Variants in CHST9 observed in about 807,000 individuals in gnomAD.
CHST9 encodes GalNAc-4-sulfotransferase 2.
CHST9 carries 41 observed loss-of-function variants against 44.4 expected under a neutral mutation model. The ratio of observed to expected loss-of-function variants is 0.92; its 90% CI spans 0.72 to 1.20. The LOEUF (loss-of-function observed/expected upper bound fraction) is 1.20, where lower values mean the gene tolerates loss of function less well. Among genes scored for constraint, CHST9 ranks in the 50% most tolerant of loss-of-function variants. CHST9 has a pLI of 0.00. For synonymous variants in CHST9, 171 were observed against 178.4 expected (o/e 0.96, Z 0.33); for missense variants, 504 against 516.5 (o/e 0.98, Z 0.23).
chr18:27,133,210 G>A (rs1430354378), intron 2 of CHST9, among the ~76,000 whole-genome samples: 1 of 152,176 alleles, frequency 6.6e-6, no homozygotes. Flanking sequence ...TAGATAGCAA[G>A]TGCATCATTG....
intron 1 of CHST9, among the ~76,000 whole-genome samples, chr18:27,160,946 C>T (rs890373833): frequency 2.3e-4 from 35 of 152,114 alleles, no homozygotes; most frequent in African/African-American, 6.3e-4. Context: ...TCTGTGGGAT[C>T]GGTGGTGATA....
chr18:26,921,188 T>A (rs1020160922), intron 5 of CHST9, among the ~76,000 whole-genome samples: 14 of 152,170 alleles, frequency 9.2e-5, no homozygotes, highest in African/African-American at 2.9e-4. Flanking sequence ...ATAACTTGGA[T>A]GTAGAGTAGG....
chr18:27,017,476 G>A (rs541135274), intron 4 of CHST9, among the ~76,000 whole-genome samples: 47 of 152,242 alleles, frequency 3.1e-4, no homozygotes, highest in Admixed American at 2.6e-3. Flanking sequence ...AAATTATTAC[G>A]GCATGTGAAA....
chr18:27,073,436 G>A (rs2057864236), intron 2 of CHST9, among the ~76,000 whole-genome samples: 1 of 151,618 alleles, frequency 6.6e-6, no homozygotes, highest in South Asian at 2.1e-4. Context: ...CAGGTGCTGG[G>A]TCAAAGTGGG....
chr18:27,066,681 G>A (rs2057785809), intron 2 of CHST9, among the ~76,000 whole-genome samples: 1 of 152,132 alleles, frequency 6.6e-6, no homozygotes, highest in East Asian at 1.9e-4. Context: ...ATTTAATTAA[G>A]TGCCTTAACT....
At chr18:27,120,209 CTACAT>C (rs1469426737) in intron 2 of CHST9, among the ~76,000 whole-genome samples, 1 of 152,116 alleles carries the variant, frequency 6.6e-6, no homozygotes, top group African/African-American at 2.4e-5. Flanking sequence ...TTTCAATTGC[CTACAT>C]TACGAGTAAA....
chr18:27,064,110 C>CA (rs2143624980), intron 2 of CHST9, among the ~76,000 whole-genome samples: 1 of 152,092 alleles, frequency 6.6e-6, no homozygotes, highest in African/African-American at 2.4e-5. Flanking sequence ...AAAGAAAAAT[C>CA]AGGCCTGAGT....
Position 26,915,402 on chromosome 18 carries a change from T to C in CHST9, c.*857A>G, listed in dbSNP as rs542974779. ...TATTGTTTGAGTTCCATATTCAGAA[T>C]GGCAACTTTTGTTTTTGATGATTAT... On this transcript the variant is annotated 3_prime_UTR_variant, in exon 6 of 6. Coordinates refer to ENST00000618847, the MANE Select transcript of CHST9 (RefSeq NM_031422.6). The C allele has an allele frequency of 6.5e-6, 1 of 154,844 alleles. No homozygotes were observed. Among genetic ancestry groups the C allele is most frequent in the Non-Finnish European group, 1.4e-5 (1 of 69,946 alleles). The allele number at this position is 154,844 out of a possible 1,614,324, so 9.6% of individuals were successfully genotyped here. A position where few individuals can be genotyped will look rare whatever the true frequency, so the allele number is the denominator to read the frequency against.
chr18:26,927,278 G>A (rs2055785455), intron 5 of CHST9, among the ~76,000 whole-genome samples: 1 of 152,118 alleles, frequency 6.6e-6, no homozygotes, highest in Non-Finnish European at 1.5e-5. Flanking sequence ...TTTCACAGGT[G>A]AAGGGGAGGT....
chr18:27,045,121 A>G (rs886505605), intron 3 of CHST9, among the ~76,000 whole-genome samples: 31 of 151,734 alleles, frequency 2.0e-4, no homozygotes, highest in Non-Finnish European at 3.2e-4. Context: ...AACCATTTCT[A>G]ACTTTAGGGA....
chr18:27,172,429 T>A (rs2058840247), intron 1 of CHST9, among the ~76,000 whole-genome samples: 1 of 151,984 alleles, frequency 6.6e-6, no homozygotes, highest in Non-Finnish European at 1.5e-5. Flanking sequence ...TAAATATGAG[T>A]AGCATGGGAG....
intron 2 of CHST9, among the ~76,000 whole-genome samples, chr18:27,141,855 A>G (rs2058570748): frequency 6.6e-6 from 1 of 152,014 alleles, no homozygotes; most frequent in Admixed American, 6.6e-5. Flanking sequence ...ATTTCTACCA[A>G]TGGAAACCAT....
chr18:26,955,224 GTT>G (rs10573820), intron 4 of CHST9, among the ~76,000 whole-genome samples: 35,735 of 138,460 alleles, frequency 0.26, 3,877 homozygotes, highest in East Asian at 0.36. Context: ...CCAGAATTCT[GTT>G]TTTTTTTTTT....
At chr18:27,061,643 C>T (rs1048145325) in intron 2 of CHST9, among the ~76,000 whole-genome samples, 1 of 152,056 alleles carries the variant, frequency 6.6e-6, no homozygotes, top group Non-Finnish European at 1.5e-5. Context: ...GGTGTGTAGG[C>T]TCCAAGGCCC....
At chr18:26,917,579 G>A (rs2055560853) in intron 5 of CHST9, among the ~76,000 whole-genome samples, 1 of 152,136 alleles carries the variant, frequency 6.6e-6, no homozygotes, top group African/African-American at 2.4e-5. Context: ...AAAGAGCCCT[G>A]GATTTTTGTC....
chr18:27,182,804 A>G (rs2058923185), intron 1 of CHST9, among the ~76,000 whole-genome samples: 1 of 152,186 alleles, frequency 6.6e-6, no homozygotes, highest in South Asian at 2.1e-4. Flanking sequence ...ACAGGTAAAC[A>G]TGTTATTCAT....
intron 4 of CHST9, among the ~76,000 whole-genome samples, chr18:27,013,730 T>C (rs1300262955): frequency 6.6e-6 from 1 of 152,232 alleles, no homozygotes; most frequent in Non-Finnish European, 1.5e-5. Context: ...CATTTTGTTA[T>C]GTCACAGAAA....
chr18:26,995,931 G>A (rs1175446718), intron 4 of CHST9, among the ~76,000 whole-genome samples: 1 of 152,194 alleles, frequency 6.6e-6, no homozygotes. Context: ...TCCCTCTTAA[G>A]AGAGAGCTAA....
intron 2 of CHST9, among the ~76,000 whole-genome samples, chr18:27,099,133 C>G (rs2058146456): frequency 6.6e-6 from 1 of 151,974 alleles, no homozygotes; most frequent in African/African-American, 2.4e-5. Context: ...GCTGGTGAGC[C>G]ATATATAGAA....
Sources: allele counts gnomAD v4.1 joint callset (sites outside exome capture counted in the v4.1 genomes callset), GRCh38; gene constraint gnomAD v4.1.1; transcripts MANE v1.5; gene names NCBI Gene and HGNC (gene_info 2026-07-23, HGNC 2026-07-21).